Variants in PAPOLA observed in about 807,000 individuals in gnomAD.
PAPOLA encodes poly(A) polymerase alpha, also known as polynucleotide adenylyltransferase alpha.
A neutral mutation model predicts 100.6 loss-of-function variants in PAPOLA; 15 were observed. That is an observed-to-expected ratio of 0.15 (90% CI 0.10 to 0.23). PAPOLA has a LOEUF of 0.23. Ranked by LOEUF, PAPOLA falls within the 10% of genes least tolerant of loss-of-function variation. The pLI is 1.00. For synonymous variants in PAPOLA, 293 were observed against 300.0 expected, an observed-to-expected ratio of 0.98 and a Z score of 0.24; for missense variants, 533 against 884.2, an observed-to-expected ratio of 0.60 and a Z score of 5.04.
Position 96,502,408 on chromosome 14 carries a change from C to A in PAPOLA, c.-185C>A, listed in dbSNP as rs1035977385. ...GAACGTTGCTGTGGTAGCGCTCGGGCGCCATGTTAGGACGAAGGGGAAGGA... is the reference window on the plus strand; with the variant it reads ...GAACGTTGCTGTGGTAGCGCTCGGGAGCCATGTTAGGACGAAGGGGAAGGA... On this transcript the variant is annotated 5_prime_UTR_variant, in exon 1 of 22. Transcript: ENST00000216277. 2 of 697,632 alleles carry A rather than the reference C, an allele frequency of 2.9e-6. No homozygotes were observed. Among genetic ancestry groups the A allele is most frequent in the Non-Finnish European group, 2.6e-6 (1 of 382,654 alleles). 43.2% of individuals were successfully genotyped at this position (697,632 alleles called of 1,614,324 possible). A position where few individuals can be genotyped will look rare whatever the true frequency, so the allele number is the denominator to read the frequency against.
At chr14:96,506,736 T>A (rs1896741371) in intron 1 of PAPOLA, among the ~76,000 whole-genome samples, 1 of 152,264 alleles carries the variant, frequency 6.6e-6, no homozygotes. Context: ...TAGACCTGTA[T>A]AATTCAGTGA....
At chr14:96,554,378 T>A (rs1255076971) in intron 17 of PAPOLA, among the ~76,000 whole-genome samples, 1 of 152,256 alleles carries the variant, frequency 6.6e-6, no homozygotes, top group African/African-American at 2.4e-5. Flanking sequence ...CTTTTGTCTG[T>A]TTATCCCCTC....
intron 1 of PAPOLA, among the ~76,000 whole-genome samples, chr14:96,505,443 G>T (rs750685322): frequency 6.6e-6 from 1 of 152,186 alleles, no homozygotes; most frequent in African/African-American, 2.4e-5. Flanking sequence ...GCTCAGTTCT[G>T]AGTATCACAC....
intron 15 of PAPOLA, chr14:96,547,592 T>G (rs1326059905): frequency 9.3e-6 from 4 of 430,088 alleles, no homozygotes; most frequent in Non-Finnish European, 1.7e-5. Flanking sequence ...TTAATACATT[T>G]TGTGCTTTTA....
chr14:96,554,620 GAC>G (rs534916865), intron 17 of PAPOLA, among the ~76,000 whole-genome samples: 1 of 151,728 alleles, frequency 6.6e-6, no homozygotes, highest in Admixed American at 6.6e-5. Flanking sequence ...AAGAGAGACA[GAC>G]ACACACACAC....
intron 2 of PAPOLA, among the ~76,000 whole-genome samples, chr14:96,520,800 TC>T (rs1435868893): frequency 2.6e-5 from 4 of 152,006 alleles, no homozygotes; most frequent in African/African-American, 9.7e-5. Flanking sequence ...AATGCCTTAC[TC>T]AGTGTAACAG....
At chr14:96,562,706 T>C (rs1237665928) in intron 20 of PAPOLA, 113 bp from the exon 21 acceptor site, 2 of 634,002 alleles carry the variant, frequency 3.2e-6, no homozygotes, top group East Asian at 2.7e-5. Flanking sequence ...CATCTTTCTC[T>C]TGATCCCTCC....
rs1050104384 is a variant in PAPOLA, at chr14:96,558,144, TG to T, written c.2004+1735del. ...TTGGTTGTACAACAGAATTAGTTTT[TG>T]GGGTTTTTTTTGTTGTTGTTGTTTT... On this transcript the variant is annotated intron_variant, in intron 19 of 21. Transcript: ENST00000216277. Among the ~76,000 whole-genome samples, 11 of 14,054 alleles carry T rather than the reference TG, an allele frequency of 7.8e-4. No homozygotes were observed. The East Asian group carries it at 0.19, about 246-fold the overall frequency. The allele number at this position is 14,054 out of a possible 152,430, so 9.2% of individuals were successfully genotyped here.
chr14:96,550,252 T>A (rs1248742692), intron 16 of PAPOLA, among the ~76,000 whole-genome samples: 1 of 152,226 alleles, frequency 6.6e-6, no homozygotes, highest in Admixed American at 6.5e-5. Context: ...TATGAATATT[T>A]AATTCATAAT....
rs149592846 is a variant in PAPOLA, at chr14:96,517,568, G to A, written c.9-2487G>A. 3.3e-5 allele frequency among the ~76,000 whole-genome samples: 5 copies of A among 151,366 alleles called. No individual in the cohort carries two copies. In the East Asian group the frequency reaches 9.6e-4, roughly 29 times the overall value. ...TCAGTGATATCTCAATAAAACTGGG[G>A]GAAAAAAAAACCTGTGTGTGATGAA... On this transcript the variant is annotated intron_variant, in intron 1 of 21. Transcript: ENST00000216277.
chr14:96,551,026 ATG>A (rs1900808569), intron 16 of PAPOLA, among the ~76,000 whole-genome samples: 1 of 152,156 alleles, frequency 6.6e-6, no homozygotes, highest in South Asian at 2.1e-4. Context: ...ACTGCAAAGT[ATG>A]TGTGTGTGTT....
Position 96,555,829 on chromosome 14 carries a change from T to A in PAPOLA, c.1665-18T>A. 1 of 1,366,038 alleles carries A rather than the reference T, an allele frequency of 7.3e-7. No individual in the cohort carries two copies. The highest frequency in any genetic ancestry group is 2.4e-5 in the East Asian group (1 of 42,548). The allele number at this position is 1,366,038 out of a possible 1,614,324, so 84.6% of individuals were successfully genotyped here. On this transcript the variant is annotated intron_variant, in intron 17 of 21. Coordinates refer to ENST00000216277, the MANE Select transcript of PAPOLA (RefSeq NM_032632.5). ...TATTTTTAAATTTTGAGACAATTTT[T>A]AATTTTTTTTTTTTTAGCAGAAACA... is the stretch of plus-strand genomic sequence containing the variant.
intron 15 of PAPOLA, among the ~76,000 whole-genome samples, chr14:96,546,117 C>A (rs777449593): frequency 1.3e-5 from 2 of 152,064 alleles, no homozygotes; most frequent in African/African-American, 4.8e-5. Flanking sequence ...CAACCCCTAC[C>A]AGTTTCTTTT....
chr14:96,521,541 G>A (rs1019943061), intron 3 of PAPOLA, among the ~76,000 whole-genome samples: 2 of 151,912 alleles, frequency 1.3e-5, no homozygotes, highest in Non-Finnish European at 2.9e-5. Flanking sequence ...TTCAGGCGGA[G>A]TGTAGTGACA....
chr14:96,560,559 A>G, intron 19 of PAPOLA, 90 bp from the exon 20 acceptor site: 1 of 796,016 alleles, frequency 1.3e-6, no homozygotes, highest in Non-Finnish European at 2.1e-6. Flanking sequence ...TAATTATTTT[A>G]TAGTTTTAAA....
chr14:96,544,868 A>G (rs1340843521), intron 15 of PAPOLA, among the ~76,000 whole-genome samples: 1 of 152,110 alleles, frequency 6.6e-6, no homozygotes, highest in Non-Finnish European at 1.5e-5. Context: ...GTTAATGCAT[A>G]GGTGGGAAAT....
chr14:96,528,754 C>T (rs1001248543), intron 6 of PAPOLA, among the ~76,000 whole-genome samples: 5 of 152,190 alleles, frequency 3.3e-5, no homozygotes, highest in Non-Finnish European at 7.3e-5. Flanking sequence ...CACTGTTGTA[C>T]TATTTTGCAA....
At chr14:96,537,878 A>G (rs1899668951) in intron 12 of PAPOLA, 1 of 151,904 alleles carries the variant, frequency 6.6e-6, no homozygotes, top group Admixed American at 6.6e-5. Flanking sequence ...GCTCTTCCCC[A>G]ATTAAAAACA....
intron 19 of PAPOLA, chr14:96,560,390 G>T: frequency 6.3e-6 from 2 of 317,644 alleles, no homozygotes; most frequent in Non-Finnish European, 1.1e-5. Context: ...TGAACTCTTA[G>T]TGGTTTTGGA....
Sources: gnomAD v4.1 joint callset for allele counts (sites outside exome capture counted in the v4.1 genomes callset) on GRCh38, gnomAD v4.1.1 for gene constraint, MANE v1.5 for transcripts, NCBI Gene and HGNC (gene_info 2026-07-23, HGNC 2026-07-21) for gene names.